The following TTC21B variants were observed in gnomAD, a reference collection of about 807,000 sequenced individuals.
TTC21B encodes tetratricopeptide repeat domain 21B.
In TTC21B, 127 loss-of-function variants were observed where a neutral mutation model predicts 175.1. That is an observed-to-expected ratio of 0.73 (90% CI 0.63 to 0.84). The LOEUF is 0.84. Ranked by LOEUF, TTC21B falls within the 40% of genes least tolerant of loss-of-function variation. The pLI is 0.00. For synonymous variants in TTC21B, 524 were observed against 524.5 expected (o/e 1.00, Z 0.01); for missense variants, 1,561 against 1,558.3 (o/e 1.00, Z -0.03).
At chr2:165,952,418 A>G (rs1037190208) in intron 1 of TTC21B, among the ~76,000 whole-genome samples, 3 of 152,180 alleles carry the variant, frequency 2.0e-5, no homozygotes, top group Non-Finnish European at 2.9e-5. Context: ...AATGTGTACT[A>G]TCTGGCCCTT....
At chr2:165,932,083 T>G (rs1686931953) in intron 7 of TTC21B, among the ~76,000 whole-genome samples, 1 of 152,220 alleles carries the variant, frequency 6.6e-6, no homozygotes, top group East Asian at 1.9e-4. Context: ...TTAATACTTG[T>G]TATTGAATGG....
At chr2:165,882,409 G>A (rs1358362664) in intron 26 of TTC21B, among the ~76,000 whole-genome samples, 2 of 151,946 alleles carry the variant, frequency 1.3e-5, no homozygotes, top group Non-Finnish European at 2.9e-5. Context: ...TTGGATCTTC[G>A]AGAAGTCATG....
chr2:165,890,348 G>A, intron 24 of TTC21B, 131 bp downstream of exon 24: 1 of 799,666 alleles, frequency 1.3e-6, no homozygotes, highest in Non-Finnish European at 2.0e-6. Context: ...GCAATGAAAT[G>A]CCTATTTATT....
intron 15 of TTC21B, 64 bp from the exon 16 acceptor site, chr2:165,913,710 A>G (rs1475540184): frequency 7.4e-7 from 1 of 1,347,678 alleles, no homozygotes; most frequent in East Asian, 2.4e-5. Context: ...AAAATAAAAT[A>G]AAATAAAAAA....
At chr2:165,942,980 A>AAAC (rs200496639) in intron 5 of TTC21B, among the ~76,000 whole-genome samples, 109 of 152,300 alleles carry the variant, frequency 7.2e-4, no homozygotes, top group African/African-American at 2.5e-3. Context: ...GTGTGAACCA[A>AAAC]AACAACAACA....
chr2:165,949,026 C>T (rs1687678206), intron 3 of TTC21B: 2 of 267,058 alleles, frequency 7.5e-6, no homozygotes, highest in Admixed American at 5.1e-5. Flanking sequence ...ACTGCATTGG[C>T]TGTATATTTG....
In TTC21B at chr2:165,929,663, A is replaced by G. The variant is rs773520382; in HGVS notation, c.1172T>C (p.Ile391Thr). 5.6e-6 allele frequency: 9 copies of G among 1,611,572 alleles called. No homozygotes were observed. Among genetic ancestry groups the G allele is most frequent in the East Asian group, 2.2e-5 (1 of 44,782 alleles). The change falls in exon 10 of 29, where the codon ATT becomes ACT. Residue 391 changes from isoleucine (I) to threonine (T), a missense_variant. Ile to Thr is a moderately conservative substitution (Grantham distance 89). Coordinates refer to ENST00000243344, the MANE Select transcript of TTC21B (RefSeq NM_024753.5). ...LEFLNEIQQS[I>T]GKSAELIYLH... is the part of the protein sequence containing the mutation. ...AAAATACTGTACCGCAGATTTTCCAATGGATTGCTGGATTTCATTTAAAAA... is the reference window on the plus strand; with the variant it reads ...AAAATACTGTACCGCAGATTTTCCAGTGGATTGCTGGATTTCATTTAAAAA...
intron 8 of TTC21B, among the ~76,000 whole-genome samples, chr2:165,930,948 A>G (rs1686884254): frequency 6.6e-6 from 1 of 152,110 alleles, no homozygotes. Context: ...TCAAGACAAC[A>G]AACTTTAAGA....
intron 18 of TTC21B, among the ~76,000 whole-genome samples, chr2:165,909,912 C>T (rs1033253111): frequency 6.6e-6 from 1 of 152,020 alleles, no homozygotes; most frequent in African/African-American, 2.4e-5. Flanking sequence ...GTACTATAAT[C>T]CATTTAGATA....
At chr2:165,906,219 C>T (rs1685725726) in intron 19 of TTC21B, among the ~76,000 whole-genome samples, 3 of 113,604 alleles carry the variant, frequency 2.6e-5, no homozygotes, top group African/African-American at 6.7e-5. Context: ...AACAAAAGCT[C>T]GAAATCCATT....
chr2:165,919,200 A>G, intron 13 of TTC21B, 76 bp downstream of exon 13: 4 of 1,558,148 alleles, frequency 2.6e-6, no homozygotes, highest in Admixed American at 1.7e-5. Context: ...ACTACAGGCT[A>G]AAACACAAAA....
chr2:165,948,353 G>C (rs1218609214), intron 3 of TTC21B: 1 of 152,170 alleles, frequency 6.6e-6, no homozygotes, highest in African/African-American at 2.4e-5. Flanking sequence ...CCAACTTGAT[G>C]ACATGAACCA....
Position 165,873,935 on chromosome 2 carries a change from A to C in TTC21B, c.*820T>G, listed in dbSNP as rs1009926048. 3.7e-4 allele frequency: 56 copies of C among 152,134 alleles called. 1 individual carries two copies. Among genetic ancestry groups the C allele is most frequent in the African/African-American group, 1.3e-3 (54 of 41,454 alleles). 9.4% of individuals were successfully genotyped at this position (152,134 alleles called of 1,614,324 possible). A position where few individuals can be genotyped will look rare whatever the true frequency, so the allele number is the denominator to read the frequency against. ...ACCACATCTTTTGAGTTCCAAGAGG[A>C]ATATAAATCATCTATTTATAAAACC... On this transcript the variant is annotated 3_prime_UTR_variant, in exon 29 of 29. Coordinates refer to ENST00000243344, the MANE Select transcript of TTC21B (RefSeq NM_024753.5).
chr2:165,908,556 C>A (rs904220286), intron 18 of TTC21B, among the ~76,000 whole-genome samples: 3 of 152,110 alleles, frequency 2.0e-5, no homozygotes, highest in Non-Finnish European at 2.9e-5. Context: ...CATGACACGC[C>A]ATGCCACTTT....
intron 14 of TTC21B, among the ~76,000 whole-genome samples, chr2:165,916,310 T>C (rs1370966738): frequency 2.6e-5 from 4 of 152,160 alleles, no homozygotes; most frequent in Non-Finnish European, 2.9e-5. Flanking sequence ...TTGGCAAATA[T>C]TTAGAAATAC....
At position 165,945,603 on chromosome 2, in the gene TTC21B, A is replaced by C; in HGVS notation, c.350T>G (p.Phe117Cys). ...GEKALYHAGL[F>C]LWHIGRHDKA... ...ATCATGGCGACCAATGTGCCATAAAAATAAGCCTGCATGGTATAAGGCTTT... is the reference window on the plus strand; with the variant it reads ...ATCATGGCGACCAATGTGCCATAAACATAAGCCTGCATGGTATAAGGCTTT... The change falls in exon 4 of 29, where the codon TTT becomes TGT. Residue 117 changes from phenylalanine (F) to cysteine (C), a missense_variant. Physicochemically the swap from Phe to Cys is radical, Grantham distance 205. Coordinates refer to ENST00000243344, the MANE Select transcript of TTC21B (RefSeq NM_024753.5). 1.2e-6 allele frequency: 2 copies of C among 1,613,870 alleles called. No individual in the cohort carries two copies. The highest frequency in any genetic ancestry group is 1.7e-6 in the Non-Finnish European group (2 of 1,179,946).
chr2:165,885,078 G>A (rs1338204976), intron 25 of TTC21B, among the ~76,000 whole-genome samples: 2 of 152,060 alleles, frequency 1.3e-5, no homozygotes, highest in South Asian at 4.1e-4. Context: ...TGAGCCTGGG[G>A]GTTCAAGGCC....
At chr2:165,875,505 T>C (rs1463804946) in intron 28 of TTC21B, among the ~76,000 whole-genome samples, 1 of 152,144 alleles carries the variant, frequency 6.6e-6, no homozygotes, top group Non-Finnish European at 1.5e-5. Flanking sequence ...GAATGTCTTA[T>C]ATGGAATATC....
At chr2:165,907,512 G>A (rs1685779061) in intron 19 of TTC21B, among the ~76,000 whole-genome samples, 166 bp downstream of exon 19, 1 of 152,142 alleles carries the variant, frequency 6.6e-6, no homozygotes, top group Non-Finnish European at 1.5e-5. Context: ...AGTAGTAATA[G>A]TATATTTAAA....
Sources: allele counts gnomAD v4.1 joint callset (sites outside exome capture counted in the v4.1 genomes callset), GRCh38; gene constraint gnomAD v4.1.1; transcripts MANE v1.5; gene names NCBI Gene and HGNC (gene_info 2026-07-23, HGNC 2026-07-21).